SLC22A4: variants seen among roughly 807,000 people sequenced by gnomAD.
SLC22A4 encodes ET transporter.
A neutral mutation model predicts 56.6 loss-of-function variants in SLC22A4; 39 were observed. That is an observed-to-expected ratio of 0.69 (90% CI 0.53 to 0.90). The LOEUF (loss-of-function observed/expected upper bound fraction) is 0.90. SLC22A4 is among the 40% of genes least tolerant of loss of function. The pLI is 0.00. For missense variants in SLC22A4, 594 were observed against 696.5 expected, an observed-to-expected ratio of 0.85 and a Z score of 1.66; for synonymous variants, 241 against 281.4, an observed-to-expected ratio of 0.86 and a Z score of 1.44.
intron 5 of SLC22A4, among the ~76,000 whole-genome samples, chr5:132,328,618 A>G (rs957402092): frequency 3.9e-5 from 6 of 151,998 alleles, no homozygotes; most frequent in African/African-American, 1.5e-4. Flanking sequence ...GGGAGTGTCT[A>G]ACACTTCTGC....
chr5:132,333,803 T>TA (rs1750935185), intron 6 of SLC22A4, among the ~76,000 whole-genome samples: 1 of 151,796 alleles, frequency 6.6e-6, no homozygotes, highest in Non-Finnish European at 1.5e-5. Context: ...TTCTTTTTTT[T>TA]ATTTATGTTT....
At chr5:132,338,230 C>T (rs920766726) in intron 8 of SLC22A4, among the ~76,000 whole-genome samples, 2 of 152,014 alleles carry the variant, frequency 1.3e-5, no homozygotes, top group African/African-American at 4.8e-5. Flanking sequence ...CCATGATGCC[C>T]CCTGAGCCAT....
At chr5:132,295,045 C>T in intron 1 of SLC22A4, 36 bp downstream of exon 1, 10 of 1,580,354 alleles carry the variant, frequency 6.3e-6, no homozygotes, top group Non-Finnish European at 7.7e-6. Context: ...CCCGGGAGTG[C>T]CTGACCCTCC....
At chr5:132,295,303 G>A (rs1445820016) in intron 1 of SLC22A4, 2 of 622,822 alleles carry the variant, frequency 3.2e-6, no homozygotes, top group Admixed American at 2.1e-5. Context: ...TAGATGTTGC[G>A]TTGGGGGAAG....
intron 3 of SLC22A4, among the ~76,000 whole-genome samples, chr5:132,320,127 A>T (rs951815731): frequency 6.6e-6 from 1 of 152,230 alleles, no homozygotes; most frequent in African/African-American, 2.4e-5. Flanking sequence ...AGACCTACAA[A>T]GTCTCTGTCC....
intron 3 of SLC22A4, chr5:132,321,007 T>C (rs270602): frequency 0.63 from 95,645 of 152,108 alleles, 30,902 homozygotes; most frequent in African/African-American, 0.74. Context: ...GGAGCTTTGT[T>C]CTTGGACTCC....
In SLC22A4 at chr5:132,322,359, A is replaced by G. The variant is rs1210138066; in HGVS notation, c.824+4A>G. ...TGCTGTGTGTCCCGCTGTGGTGGTG[A>G]GTGTGACTCGTCCCCAGACAGGCCC... On this transcript the variant is annotated splice_donor_region_variant and intron_variant, in intron 4 of 9. Transcript: ENST00000200652. The G allele has an allele frequency of 1.2e-6, 2 of 1,613,100 alleles. No homozygotes were observed. The highest frequency in any genetic ancestry group is 2.2e-5 in the South Asian group (2 of 91,036).
intron 1 of SLC22A4, among the ~76,000 whole-genome samples, chr5:132,309,688 T>C (rs1327299481): frequency 6.6e-6 from 1 of 152,278 alleles, no homozygotes; most frequent in Non-Finnish European, 1.5e-5. Context: ...TTGGTTTCAA[T>C]GCTTTGCCAT....
At chr5:132,295,306 G>A (rs947530187) in intron 1 of SLC22A4, 1 of 616,772 alleles carries the variant, frequency 1.6e-6, no homozygotes, top group Non-Finnish European at 3.1e-6. Context: ...ATGTTGCGTT[G>A]GGGGAAGCGC....
chr5:132,312,207 C>T lies in SLC22A4; in HGVS notation c.440C>T (p.Ser147Phe), dbSNP rs1449848711. 1 of 1,613,848 alleles carries T rather than the reference C, an allele frequency of 6.2e-7. No individual in the cohort carries two copies. The highest frequency in any genetic ancestry group is 2.2e-5 in the East Asian group (1 of 44,872). ...EDNWKVPLTT[S>F]LFFVGVLLGS... ...AACTGGAAGGTGCCCCTCACCACCT[C>T]CCTGTTCTTCGTAGGCGTGCTCCTC... Residue 147 changes from serine (S) to phenylalanine (F), a missense_variant, in exon 2 of 10, where the codon TCC becomes TTC. By Grantham distance (155) the Ser-to-Phe change is radical. Coordinates refer to ENST00000200652, the MANE Select transcript of SLC22A4 (RefSeq NM_003059.3).
intron 4 of SLC22A4, among the ~76,000 whole-genome samples, chr5:132,323,800 A>T (rs1372080340): frequency 1.3e-5 from 2 of 152,260 alleles, no homozygotes; most frequent in African/African-American, 4.8e-5. Flanking sequence ...TGACAAGATT[A>T]TTCAAAGGTT....
Position 132,344,101 on chromosome 5 carries a change from G to A in SLC22A4, c.*266G>A. 2.4e-6 allele frequency: 1 copy of A among 417,068 alleles called. No individual in the cohort carries two copies. 25.8% of individuals were successfully genotyped at this position (417,068 alleles called of 1,614,324 possible). ...GATGTCTTGAAAACATGTTAGTCAA[G>A]GACTGGTAAAATACATATAAAGATT... is the stretch of plus-strand genomic sequence containing the variant. On this transcript the variant is annotated 3_prime_UTR_variant, in exon 10 of 10. Transcript: ENST00000200652.
Position 132,294,603 on chromosome 5 carries a change from C to T in SLC22A4, c.-14C>T. 2 of 1,614,128 alleles carry T rather than the reference C, an allele frequency of 1.2e-6. No homozygotes were observed. The highest frequency in any genetic ancestry group is 2.2e-5 in the East Asian group (1 of 44,866). ...TCACCCGTAGTTGCAAGTTTCGGAGCGGCAGTGGGAAGCATGCGGGACTAC... is the reference window on the plus strand; with the variant it reads ...TCACCCGTAGTTGCAAGTTTCGGAGTGGCAGTGGGAAGCATGCGGGACTAC... On this transcript the variant is annotated 5_prime_UTR_variant, in exon 1 of 10. Transcript: ENST00000200652. This position sits in a 1 kb window ranked among gnomAD's most constrained non-coding sequence, Gnocchi z 5.6.
intron 3 of SLC22A4, among the ~76,000 whole-genome samples, chr5:132,320,652 TCA>T (rs1561541341): frequency 6.6e-6 from 1 of 152,164 alleles, no homozygotes; most frequent in East Asian, 1.9e-4. Flanking sequence ...GGCAGATCTC[TCA>T]GTTATGAACA....
intron 4 of SLC22A4, among the ~76,000 whole-genome samples, chr5:132,326,689 G>A (rs1750699847): frequency 6.6e-6 from 1 of 152,206 alleles, no homozygotes; most frequent in Non-Finnish European, 1.5e-5. Flanking sequence ...AGACAACATT[G>A]GGGCTCATCT....
chr5:132,308,045 T>G (rs1417015554), intron 1 of SLC22A4, among the ~76,000 whole-genome samples: 3 of 152,372 alleles, frequency 2.0e-5, no homozygotes, highest in African/African-American at 7.2e-5. Context: ...GCACCCACTG[T>G]GTGCCTAGCA....
intron 5 of SLC22A4, among the ~76,000 whole-genome samples, chr5:132,330,274 C>T (rs981812086): frequency 6.6e-6 from 1 of 152,204 alleles, no homozygotes; most frequent in Non-Finnish European, 1.5e-5. Flanking sequence ...TCTCTTACTG[C>T]GCATGCACTG....
At chr5:132,310,404 A>G (rs887161887) in intron 1 of SLC22A4, among the ~76,000 whole-genome samples, 6 of 152,232 alleles carry the variant, frequency 3.9e-5, no homozygotes, top group African/African-American at 1.4e-4. Context: ...CCATGAATGC[A>G]GGCACACGTC....
At chr5:132,304,353 A>C (rs1156705817) in intron 1 of SLC22A4, among the ~76,000 whole-genome samples, 1 of 152,242 alleles carries the variant, frequency 6.6e-6, no homozygotes, top group African/African-American at 2.4e-5. Flanking sequence ...GTGGTGGCTC[A>C]TGCCTGTAAT....
Sources: gnomAD v4.1 joint callset for allele counts (sites outside exome capture counted in the v4.1 genomes callset) on GRCh38, gnomAD v4.1.1 for gene constraint, Gnocchi (gnomAD v3.1) non-coding constraint, MANE v1.5 for transcripts, NCBI Gene and HGNC (gene_info 2026-07-23, HGNC 2026-07-21) for gene names.